CDC42BPA: variants seen among roughly 807,000 people sequenced by gnomAD.
CDC42BPA encodes the protein CDC42 binding protein kinase alpha, also known as serine/threonine-protein kinase MRCK alpha.
CDC42BPA carries 80 observed loss-of-function variants against 223.5 expected under a neutral mutation model. The observed-to-expected ratio is 0.36, with a 90% CI of 0.30 to 0.43. The LOEUF is 0.43. CDC42BPA is among the 20% of genes least tolerant of loss of function. The pLI, the probability that CDC42BPA is intolerant of heterozygous loss-of-function variation, is 1.00. For synonymous variants in CDC42BPA, 694 were observed against 718.6 expected, an observed-to-expected ratio of 0.97 and a Z score of 0.55; for missense variants, 1,743 against 2,099.9, an observed-to-expected ratio of 0.83 and a Z score of 3.32.
intron 27 of CDC42BPA, among the ~76,000 whole-genome samples, chr1:227,031,758 G>A (rs902885266): frequency 2.6e-5 from 4 of 151,966 alleles, no homozygotes; most frequent in African/African-American, 9.7e-5. Flanking sequence ...CTGTAAAAGT[G>A]CCAGAACACT....
intron 1 of CDC42BPA, among the ~76,000 whole-genome samples, chr1:227,286,791 T>A (rs1688878726): frequency 6.6e-6 from 1 of 152,216 alleles, no homozygotes. Context: ...AGCATCTGTT[T>A]ATGGTGAGGG....
chr1:227,310,583 A>C (rs780080265), intron 1 of CDC42BPA, among the ~76,000 whole-genome samples: 2 of 152,158 alleles, frequency 1.3e-5, no homozygotes, highest in Non-Finnish European at 2.9e-5. Context: ...CATAGGAAGG[A>C]AGTGTGTAGA....
chr1:227,182,185 C>G (rs779786038), intron 5 of CDC42BPA, among the ~76,000 whole-genome samples: 3 of 152,324 alleles, frequency 2.0e-5, no homozygotes, highest in Non-Finnish European at 4.4e-5. Context: ...GTCCTGCACT[C>G]TCTTTATTAC....
chr1:227,162,868 A>ATGTGTGTGTGTGTGTGTGTGTGTG (rs36157906), intron 5 of CDC42BPA, among the ~76,000 whole-genome samples: 1 of 149,356 alleles, frequency 6.7e-6, no homozygotes, highest in East Asian at 2.0e-4. Flanking sequence ...ATAAATATAT[A>ATGTGTGTGTGTGTGTGTGTGTGTG]TGTGTGTGTG....
rs1043689979 is a variant in CDC42BPA, at chr1:227,265,265, G to A, written c.179-11110C>T. The A allele has an allele frequency of 1.8e-4, 93 of 525,166 alleles. 1 individual carries two copies. In the South Asian group the frequency reaches 2.0e-3, roughly 11 times the overall value. 32.5% of individuals were successfully genotyped at this position (525,166 alleles called of 1,614,324 possible). A position where few individuals can be genotyped will look rare whatever the true frequency, so the allele number is the denominator to read the frequency against. On this transcript the variant is annotated intron_variant, in intron 1 of 36. Transcript: ENST00000366766. ...AGTTTGATTGCCGCTTAGTAGCTGTGAGACCTTGAGAAGTTATTTAGACAC... is the reference window on the plus strand; with the variant it reads ...AGTTTGATTGCCGCTTAGTAGCTGTAAGACCTTGAGAAGTTATTTAGACAC...
At chr1:227,285,263 A>C (rs16847582) in intron 1 of CDC42BPA, among the ~76,000 whole-genome samples, 46,778 of 152,034 alleles carry the variant, frequency 0.31, 7,380 homozygotes, top group East Asian at 0.37. Context: ...ACTCACATAC[A>C]CTGACTTCCA....
At chr1:227,161,606 T>A (rs1457206412) in intron 5 of CDC42BPA, among the ~76,000 whole-genome samples, 1 of 152,212 alleles carries the variant, frequency 6.6e-6, no homozygotes, top group Non-Finnish European at 1.5e-5. Context: ...TTTCTCTGAG[T>A]GTGTTGTATA....
chr1:227,136,112 A>C (rs1320386797), intron 10 of CDC42BPA, among the ~76,000 whole-genome samples: 1 of 152,176 alleles, frequency 6.6e-6, no homozygotes, highest in Non-Finnish European at 1.5e-5. Context: ...AAAGTAACAG[A>C]TAAGGACCTC....
At chr1:227,217,657 C>A (rs1675103957) in intron 2 of CDC42BPA, among the ~76,000 whole-genome samples, 1 of 152,080 alleles carries the variant, frequency 6.6e-6, no homozygotes, top group Admixed American at 6.5e-5. Flanking sequence ...AAAATCCTTA[C>A]TATGCCTTAT....
intron 35 of CDC42BPA, 117 bp from the exon 36 acceptor site, chr1:226,995,097 T>G: frequency 1.2e-6 from 1 of 841,744 alleles, no homozygotes; most frequent in African/African-American, 1.7e-5. Context: ...ACTCCTCCCC[T>G]GAAGCGCAGT....
chr1:227,012,449 T>C (rs917804655), intron 34 of CDC42BPA, among the ~76,000 whole-genome samples: 4 of 145,678 alleles, frequency 2.7e-5, no homozygotes, highest in Non-Finnish European at 4.7e-5. Context: ...GATAGAGGAA[T>C]ATGACTCCCT....
rs375900029 is a variant in CDC42BPA, at chr1:227,213,168, A to G, written c.322T>C (p.Leu108=). ...CTTTTCAGCATTTCCCATTTATTCA[A>G]TATTTTCATGGCAAACACTTTATCT... ...NADKVFAMKI[L]NKWEMLKRAE... The change falls in exon 3 of 37, where the codon TTG becomes CTG. Residue 108 remains leucine, a synonymous_variant. Transcript: ENST00000366766. 7.0e-6 allele frequency: 11 copies of G among 1,570,396 alleles called. No individual in the cohort carries two copies. The highest frequency in any genetic ancestry group is 3.5e-5 in the South Asian group (3 of 86,494).
chr1:227,256,099 A>C (rs907146427), intron 1 of CDC42BPA, among the ~76,000 whole-genome samples: 1 of 152,226 alleles, frequency 6.6e-6, no homozygotes, highest in African/African-American at 2.4e-5. Flanking sequence ...AAATGGGCAA[A>C]AGTTTTAATA....
At chr1:227,250,593 G>A (rs1379315980) in intron 2 of CDC42BPA, among the ~76,000 whole-genome samples, 1 of 151,918 alleles carries the variant, frequency 6.6e-6, no homozygotes, top group Non-Finnish European at 1.5e-5. Context: ...AATCCATCGA[G>A]TTATATGTGT....
intron 5 of CDC42BPA, among the ~76,000 whole-genome samples, chr1:227,169,845 C>T (rs1229346777): frequency 1.3e-5 from 2 of 152,150 alleles, no homozygotes; most frequent in Admixed American, 6.5e-5. Context: ...TCTGTGAGGG[C>T]CGTAGCCCAG....
At chr1:227,111,101 G>A (rs756838211) in intron 14 of CDC42BPA, among the ~76,000 whole-genome samples, 1 of 152,168 alleles carries the variant, frequency 6.6e-6, no homozygotes, top group African/African-American at 2.4e-5. Flanking sequence ...TAAGCTACAG[G>A]TATTAACAGA....
At chr1:227,201,080 C>A (rs890271584) in intron 3 of CDC42BPA, among the ~76,000 whole-genome samples, 2 of 152,094 alleles carry the variant, frequency 1.3e-5, no homozygotes, top group South Asian at 4.1e-4. Context: ...TGAGAATACA[C>A]TTCCACTACT....
At position 227,147,479 on chromosome 1, in the gene CDC42BPA, T is replaced by G; in HGVS notation, c.774A>C (p.Arg258Ser). The G allele has an allele frequency of 6.2e-7, 1 of 1,613,416 alleles. No individual in the cohort carries two copies. ...ACCACCAGTCACATTCAGGTCCATA[T>G]CTCCCTTTTCCATCTTCCATGGCTT... ...ILQAMEDGKG[R>S]YGPECDWWSL... The change falls in exon 7 of 37, where the codon AGA becomes AGC. Residue 258 changes from arginine to serine, a missense_variant. Physicochemically the swap from Arg to Ser is moderately radical, Grantham distance 110. Transcript: ENST00000366766.
At chr1:227,042,626 T>C (rs1462876804) in intron 23 of CDC42BPA, among the ~76,000 whole-genome samples, 1 of 152,162 alleles carries the variant, frequency 6.6e-6, no homozygotes, top group Non-Finnish European at 1.5e-5. Flanking sequence ...TGAAAATGTA[T>C]AAAGAAAGAC....
Sources: allele counts gnomAD v4.1 joint callset (sites outside exome capture counted in the v4.1 genomes callset), GRCh38; gene constraint gnomAD v4.1.1; transcripts MANE v1.5; gene names NCBI Gene and HGNC (gene_info 2026-07-23, HGNC 2026-07-21).